The following CLTB variants were observed in gnomAD, a reference collection of about 807,000 sequenced individuals.
The protein encoded by CLTB is clathrin light chain B, also known as clathrin, light chain (Lcb).
In CLTB, 10 loss-of-function variants were observed where a neutral mutation model predicts 30.5. The observed-to-expected ratio is 0.33, with a 90% CI of 0.20 to 0.56. The LOEUF (loss-of-function observed/expected upper bound fraction) is 0.56. Among genes scored for constraint, CLTB ranks in the 20% least tolerant of loss-of-function variants. The pLI is 0.91. For missense variants in CLTB, 261 were observed against 308.3 expected, an observed-to-expected ratio of 0.85 and a Z score of 1.15; for synonymous variants, 102 against 120.3, an observed-to-expected ratio of 0.85 and a Z score of 1.00.
rs1455710011 is a variant in CLTB at position 176,416,200 on chromosome 5, G to C, written c.164C>G (p.Ala55Gly). Residue 55 changes from alanine to glycine, a missense_variant, in exon 1 of 6, where the codon GCG becomes GGG. Ala to Gly is a moderately conservative substitution (Grantham distance 60). This residue lies in a region of CLTB where 113 missense variants were observed against 102.5 expected (regional missense o/e 1.10). Coordinates refer to ENST00000310418, the MANE Select transcript of CLTB (RefSeq NM_007097.5). ...GAPAGSHAAPAQPGPTSGAGS... is the reference protein window; with the variant it reads ...GAPAGSHAAPGQPGPTSGAGS... ...ACCCCCACTCGTGGGGCCCGGCTGC[G>C]CGGGGGCCGCATGGCTGCCGGCAGG... is the stretch of plus-strand genomic sequence containing the variant. 1 of 1,588,508 alleles carries C rather than the reference G, an allele frequency of 6.3e-7. No homozygotes were observed. The highest frequency in any genetic ancestry group is 1.1e-5 in the South Asian group (1 of 88,682).
At chr5:176,404,512 A>C (rs1581437144) in intron 2 of CLTB, among the ~76,000 whole-genome samples, 1 of 152,234 alleles carries the variant, frequency 6.6e-6, no homozygotes, top group Non-Finnish European at 1.5e-5. Context: ...AAAAGCAGAA[A>C]GTGAAGTCCA....
chr5:176,413,475 C>G (rs1757547516), intron 1 of CLTB, among the ~76,000 whole-genome samples: 1 of 152,224 alleles, frequency 6.6e-6, no homozygotes, highest in Non-Finnish European at 1.5e-5. Context: ...ACAGATCCAG[C>G]CAGAGAGGAG....
intron 3 of CLTB, 67 bp downstream of exon 3, chr5:176,397,863 G>A (rs1018647207): frequency 2.0e-5 from 30 of 1,493,676 alleles, no homozygotes; most frequent in Non-Finnish European, 2.3e-5. Flanking sequence ...CATGCACTCC[G>A]AGGACTCCCC....
At chr5:176,415,893 G>C (rs1207423645) in intron 1 of CLTB, among the ~76,000 whole-genome samples, 1 of 152,196 alleles carries the variant, frequency 6.6e-6, no homozygotes, top group Non-Finnish European at 1.5e-5. Flanking sequence ...TCAAAACTGA[G>C]GTGGGGTTGG....
intron 2 of CLTB, among the ~76,000 whole-genome samples, chr5:176,408,396 C>T (rs1181622658): frequency 2.6e-5 from 4 of 151,866 alleles, no homozygotes; most frequent in Non-Finnish European, 4.4e-5. Flanking sequence ...ATTAGCTAGG[C>T]GTGGTGGCGG....
chr5:176,411,991 A>T (rs573832716), intron 1 of CLTB, among the ~76,000 whole-genome samples: 11 of 152,070 alleles, frequency 7.2e-5, no homozygotes, highest in African/African-American at 2.7e-4. Context: ...CCTGGCTAAC[A>T]CGGTGAAACC....
At chr5:176,399,665 G>A (rs766503466) in intron 2 of CLTB, among the ~76,000 whole-genome samples, 3 of 151,820 alleles carry the variant, frequency 2.0e-5, no homozygotes, top group African/African-American at 7.3e-5. Context: ...AGGCCGAAGC[G>A]GGCAGATCAC....
At chr5:176,394,618 T>C (rs962780227) in intron 5 of CLTB, among the ~76,000 whole-genome samples, 3 of 151,202 alleles carry the variant, frequency 2.0e-5, no homozygotes, top group East Asian at 1.9e-4. Context: ...ATGGAGAGCA[T>C]CCTGGCTAAC....
Position 176,393,037 on chromosome 5 carries a change from G to T in CLTB, c.519-92C>A. The T allele has an allele frequency of 7.1e-7, 1 of 1,406,336 alleles. No homozygotes were observed. Among genetic ancestry groups the T allele is most frequent in the Non-Finnish European group, 1.0e-6 (1 of 1,002,010 alleles). 87.1% of individuals were successfully genotyped at this position (1,406,336 alleles called of 1,614,324 possible). The stretch of plus-strand genomic sequence containing the variant: ...GCTGCTTTGCCCAGCCTACTCTGGG[G>T]CACTGTGTCCTCCCCAGCCTTGTGC... On this transcript the variant is annotated intron_variant, in intron 5 of 5. Transcript: ENST00000310418. The surrounding 1 kb of genome is among the most constrained non-coding windows in gnomAD (Gnocchi z 4.4).
At chr5:176,410,439 G>T in intron 1 of CLTB, 136 bp from the exon 2 acceptor site, 1 of 651,922 alleles carries the variant, frequency 1.5e-6, no homozygotes, top group South Asian at 1.9e-5. Flanking sequence ...CAGACATAAT[G>T]GATATATATA....
intron 2 of CLTB, chr5:176,406,386 C>A (rs946320714): frequency 1.4e-5 from 16 of 1,138,026 alleles, no homozygotes; most frequent in Non-Finnish European, 1.6e-5. Context: ...CCCATGAGAA[C>A]CTCTGTGGAC....
At chr5:176,416,558 C>A (rs1561804728), upstream of CLTB, 3 of 213,674 alleles carry the variant, frequency 1.4e-5, no homozygotes, top group Non-Finnish European at 2.6e-5. Context: ...GGCGCCGCGG[C>A]GGGAGGAGCG....
intron 2 of CLTB, among the ~76,000 whole-genome samples, chr5:176,404,785 C>T (rs1030415552): frequency 2.2e-4 from 33 of 152,184 alleles, no homozygotes; most frequent in African/African-American, 7.7e-4. Context: ...CGGTGAACCC[C>T]GGAATGAGTG....
chr5:176,399,833 G>A (rs890389407), intron 2 of CLTB, among the ~76,000 whole-genome samples: 10 of 150,882 alleles, frequency 6.6e-5, no homozygotes, highest in African/African-American at 9.7e-5. Flanking sequence ...AGCAGAGATC[G>A]TGCCACTGCA....
At chr5:176,410,158 C>A in intron 2 of CLTB, 99 bp downstream of exon 2, 1 of 1,061,364 alleles carries the variant, frequency 9.4e-7, no homozygotes, top group East Asian at 2.4e-5. Flanking sequence ...ACATAATGAA[C>A]AGGAGAACCT....
chr5:176,409,570 T>G (rs1476411330), intron 2 of CLTB, among the ~76,000 whole-genome samples: 2 of 152,030 alleles, frequency 1.3e-5, no homozygotes, highest in African/African-American at 4.8e-5. Context: ...CCTGCCACAA[T>G]GACTGGCTAA....
chr5:176,410,333 T>A (rs374482403), intron 1 of CLTB, 30 bp from the exon 2 acceptor site: 23 of 1,606,288 alleles, frequency 1.4e-5, no homozygotes, highest in Non-Finnish European at 2.0e-5. Context: ...ATAGCATTAC[T>A]CACTGTTTAG....
Position 176,392,730 on chromosome 5 carries a change from C to T in CLTB, c.*44G>A. 1.2e-6 allele frequency: 2 copies of T among 1,604,308 alleles called. No homozygotes were observed. Among genetic ancestry groups the T allele is most frequent in the Non-Finnish European group, 8.5e-7 (1 of 1,173,616 alleles). The stretch of plus-strand genomic sequence containing the variant: ...GACCAAAGCAGCTGCTCCTCCTGTG[C>T]CCAGGCCCAGCCCATGCTCTGTGGC... On this transcript the variant is annotated 3_prime_UTR_variant, in exon 6 of 6. Transcript: ENST00000310418. The surrounding 1 kb of genome is among the most constrained non-coding windows in gnomAD (Gnocchi z 5.2).
intron 3 of CLTB, 32 bp from the exon 4 acceptor site, chr5:176,397,750 T>C: frequency 6.3e-7 from 1 of 1,598,278 alleles, no homozygotes; most frequent in Non-Finnish European, 8.6e-7. Context: ...AGTGGCTGCT[T>C]TCCAGCTGGG....
Sources: allele counts gnomAD v4.1 joint callset (sites outside exome capture counted in the v4.1 genomes callset), GRCh38; gene constraint gnomAD v4.1.1; regional missense constraint gnomAD v4.1.1; non-coding constraint Gnocchi (gnomAD v3.1); transcripts MANE v1.5; gene names NCBI Gene and HGNC (gene_info 2026-07-23, HGNC 2026-07-21).